Variants in KYAT1 observed in about 807,000 individuals in gnomAD.
The protein encoded by KYAT1 is kynurenine--oxoglutarate transaminase 1.
A neutral mutation model predicts 52.4 loss-of-function variants in KYAT1; 47 were observed. The ratio of observed to expected loss-of-function variants is 0.90; its 90% confidence interval spans 0.71 to 1.14. KYAT1 has a LOEUF of 1.14. KYAT1 is among the 50% of genes most tolerant of loss of function. The pLI, the probability that KYAT1 is intolerant of heterozygous loss-of-function variation, is 0.00. For missense variants in KYAT1, 480 were observed against 557.9 expected (o/e 0.86, Z 1.41); for synonymous variants, 212 against 209.6 (o/e 1.01, Z -0.10).
At chr9:128,864,365 C>CAAAAAA (rs35129459) in intron 1 of KYAT1, among the ~76,000 whole-genome samples, 1 of 75,174 alleles carries the variant, frequency 1.3e-5, no homozygotes, top group Non-Finnish European at 2.4e-5. Flanking sequence ...GACTCTGTCT[C>CAAAAAA]AAAAAAAAAA....
intron 1 of KYAT1, among the ~76,000 whole-genome samples, chr9:128,869,192 C>T (rs560294298): frequency 2.2e-4 from 34 of 151,180 alleles, no homozygotes; most frequent in African/African-American, 8.0e-4. Flanking sequence ...GATGGAGTCT[C>T]GCTCTGTTGC....
rs1301247035 is a variant in KYAT1, at chr9:128,835,674, A to G, written c.856-7T>C. On this transcript the variant is annotated splice_polypyrimidine_tract_variant and splice_region_variant and intron_variant, in intron 9 of 12. Transcript: ENST00000302586. Reference sequence around the variant, plus strand: ...AGCTCTCGGCTACTGCAGCCTGGGCAGGGCAGATGGACACACAGATAGATC... The same window carrying G: ...AGCTCTCGGCTACTGCAGCCTGGGCGGGGCAGATGGACACACAGATAGATC... 5 of 1,608,734 alleles carry G rather than the reference A, an allele frequency of 3.1e-6. No homozygotes were observed. The East Asian group carries it at 6.7e-5, about 22-fold the overall frequency.
intron 1 of KYAT1, among the ~76,000 whole-genome samples, chr9:128,870,809 G>A (rs745905839): frequency 1.3e-5 from 2 of 152,084 alleles, no homozygotes; most frequent in African/African-American, 2.4e-5. Flanking sequence ...TGATGGGTAC[G>A]GAGTGTTTTC....
At chr9:128,846,600 C>CAAAAAAAAAAAAAA (rs57333664) in intron 1 of KYAT1, 9 of 419,206 alleles carry the variant, frequency 2.1e-5, no homozygotes, top group South Asian at 3.1e-5. Flanking sequence ...AAGACTCTAC[C>CAAAAAAAAAAAAAA]AAAAAAAAAA....
chr9:128,882,427 G>A (rs1839092950), upstream of KYAT1: 1 of 319,196 alleles, frequency 3.1e-6, no homozygotes, highest in Non-Finnish European at 5.7e-6. Context: ...CCCAGTGCCC[G>A]GAGTCTCCGG....
intron 7 of KYAT1, among the ~76,000 whole-genome samples, chr9:128,836,303 T>C (rs750416409): frequency 0.029 from 932 of 32,476 alleles, 7 homozygotes; most frequent in Non-Finnish European, 0.095. Context: ...TCTTTCTTTG[T>C]TTTTTTTTTT....
In KYAT1 at chr9:128,860,809, C is replaced by T. The variant is rs550855659; in HGVS notation, c.-6-15398G>A. Among the ~76,000 whole-genome samples the T allele has an allele frequency of 4.6e-5, 7 of 152,110 alleles. No individual in the cohort carries two copies. In the East Asian group the frequency reaches 9.7e-4, roughly 21 times the overall value. ...AACTCCTGACCTTAGGTGATCTGCC[C>T]ACCTCGGCCTCCCAAAGTGCTGGGA... On this transcript the variant is annotated intron_variant, in intron 1 of 12. Transcript: ENST00000302586.
Position 128,874,720 on chromosome 9 carries a change from G to GC in KYAT1, c.-7+7176dup, listed in dbSNP as rs199614892. ...GTACATTTTGTGGTGAGATAATCCT[G>GC]CCTTTTTTTTTTTTTTTTTTTTGAG... On this transcript the variant is annotated intron_variant, in intron 1 of 12. Transcript: ENST00000302586. Among the ~76,000 whole-genome samples the GC allele has an allele frequency of 8.0e-3, 1,138 of 141,924 alleles. 14 individuals are homozygous for GC. The highest frequency in any genetic ancestry group is 0.024 in the African/African-American group (896 of 38,060). The allele number at this position is 141,924 out of a possible 152,430, so 93.1% of individuals were successfully genotyped here.
intron 7 of KYAT1, among the ~76,000 whole-genome samples, chr9:128,836,504 G>A (rs1431167739): frequency 6.6e-6 from 1 of 151,968 alleles, no homozygotes; most frequent in East Asian, 1.9e-4. Context: ...TCACCATGTT[G>A]GCCAGGCTGG....
intron 1 of KYAT1, among the ~76,000 whole-genome samples, chr9:128,851,608 C>T (rs1221207598): frequency 6.6e-6 from 1 of 152,158 alleles, no homozygotes; most frequent in East Asian, 1.9e-4. Flanking sequence ...ATCCCACTTA[C>T]AGTATGGAAT....
rs757511681 is a variant in KYAT1, at chr9:128,838,052, G to A, written c.437C>T (p.Pro146Leu). The A allele has an allele frequency of 7.4e-6, 12 of 1,613,782 alleles. No individual in the cohort carries two copies. Among genetic ancestry groups the A allele is most frequent in the Admixed American group, 1.7e-5 (1 of 59,982 alleles). The stretch of plus-strand genomic sequence containing the variant: ...CCATCCTCTACCTAGCATCCTTACC[G>A]GCTTCAGGGACACAAACACAGGACG... ...GGRPVFVSLK[P>L]GPIQNGELGS... Residue 146 changes from proline to leucine, a missense_variant and splice_region_variant, in exon 5 of 13, where the codon CCG (proline) becomes CTG (leucine). Transcript: ENST00000302586.
At chr9:128,847,497 T>G (rs1588085548) in intron 1 of KYAT1, 1 of 1,535,948 alleles carries the variant, frequency 6.5e-7, no homozygotes, top group East Asian at 2.4e-5. Flanking sequence ...CCCCACCAGG[T>G]GCACAGAGAT....
intron 5 of KYAT1, 102 bp from the exon 6 acceptor site, chr9:128,837,915 C>T: frequency 6.7e-7 from 1 of 1,488,630 alleles, no homozygotes; most frequent in Non-Finnish European, 9.4e-7. Context: ...TCCCAACACA[C>T]ACACCTCCCC....
At chr9:128,836,662 A>G in intron 7 of KYAT1, 140 bp downstream of exon 7, 1 of 940,032 alleles carries the variant, frequency 1.1e-6, no homozygotes, top group Non-Finnish European at 1.6e-6. Flanking sequence ...GACACTGTGT[A>G]CTCTGGGAGG....
At chr9:128,838,750 G>A (rs950588281) in intron 3 of KYAT1, among the ~76,000 whole-genome samples, 1 of 152,138 alleles carries the variant, frequency 6.6e-6, no homozygotes, top group Non-Finnish European at 1.5e-5. Flanking sequence ...TTGCCACAGG[G>A]CCTGTTCTGT....
At chr9:128,850,404 T>C (rs752593273) in intron 1 of KYAT1, among the ~76,000 whole-genome samples, 1 of 152,196 alleles carries the variant, frequency 6.6e-6, no homozygotes, top group Non-Finnish European at 1.5e-5. Flanking sequence ...CAAAAACATG[T>C]GTTGTAGGGA....
intron 7 of KYAT1, 72 bp from the exon 8 acceptor site, chr9:128,836,145 C>T: frequency 7.3e-7 from 1 of 1,375,974 alleles, no homozygotes. Flanking sequence ...GGTCTGGGCC[C>T]CAGGGGACAC....
At chr9:128,863,509 G>C (rs1835745632) in intron 1 of KYAT1, among the ~76,000 whole-genome samples, 1 of 149,840 alleles carries the variant, frequency 6.7e-6, no homozygotes, top group Non-Finnish European at 1.5e-5. Context: ...CCAAATACAA[G>C]AGCTTGCACC....
chr9:128,866,088 G>A (rs1036332323), intron 1 of KYAT1, among the ~76,000 whole-genome samples: 1 of 152,124 alleles, frequency 6.6e-6, no homozygotes, highest in Admixed American at 6.6e-5. Flanking sequence ...CCTATTATGT[G>A]CTATTCATTC....
Sources: allele counts gnomAD v4.1 joint callset (sites outside exome capture counted in the v4.1 genomes callset), GRCh38; gene constraint gnomAD v4.1.1; transcripts MANE v1.5; gene names NCBI Gene and HGNC (gene_info 2026-07-23, HGNC 2026-07-21).